The following STIM1 variants were observed in gnomAD, a reference collection of about 807,000 sequenced individuals.
The protein encoded by STIM1 is stromal interaction molecule 1.
Under a neutral mutation model 74.7 loss-of-function variants are expected in STIM1, and 25 were observed. The ratio of observed to expected loss-of-function variants is 0.33; its 90% CI spans 0.24 to 0.47. The LOEUF is 0.47. STIM1 is among the 20% of genes least tolerant of loss of function. STIM1 has a pLI of 1.00. For synonymous variants in STIM1, 328 were observed against 348.8 expected (o/e 0.94, Z 0.66); for missense variants, 728 against 920.8 (o/e 0.79, Z 2.71).
chr11:3,927,555 G>T (rs1442794307), intron 1 of STIM1, among the ~76,000 whole-genome samples: 1 of 152,094 alleles, frequency 6.6e-6, no homozygotes, highest in Non-Finnish European at 1.5e-5. Flanking sequence ...GGCTCTTTTG[G>T]TCTTAGCCAC....
intron 2 of STIM1, chr11:3,989,174 C>T (rs2093584998): frequency 1.9e-6 from 2 of 1,074,426 alleles, no homozygotes; most frequent in African/African-American, 1.6e-5. Context: ...GACTTGGCTT[C>T]CTTCTCTCCT....
At chr11:3,960,679 G>A (rs749616116) in intron 1 of STIM1, among the ~76,000 whole-genome samples, 5 of 152,144 alleles carry the variant, frequency 3.3e-5, no homozygotes, top group African/African-American at 1.2e-4. Flanking sequence ...GTATAGTCTC[G>A]TATAAGGTAT....
At chr11:3,899,729 G>A (rs907497113) in intron 1 of STIM1, among the ~76,000 whole-genome samples, 38 of 86,402 alleles carry the variant, frequency 4.4e-4, no homozygotes, top group Non-Finnish European at 7.0e-4. Flanking sequence ...AGCATGAAGC[G>A]TTGTTGAATT....
intron 12 of STIM1, among the ~76,000 whole-genome samples, chr11:4,087,876 C>T (rs1565172783): frequency 6.7e-6 from 1 of 150,274 alleles, no homozygotes; most frequent in African/African-American, 2.5e-5. Context: ...ATTCGGGAAC[C>T]AAGATAGCGG....
At chr11:3,870,869 CTT>C (rs1178631644) in intron 1 of STIM1, among the ~76,000 whole-genome samples, 255 of 98,136 alleles carry the variant, frequency 2.6e-3, no homozygotes, top group Non-Finnish European at 3.9e-3. Flanking sequence ...ATCAGCTACT[CTT>C]TTTTTTTTTT....
chr11:4,057,515 CACTT>C (rs931467590), intron 4 of STIM1, among the ~76,000 whole-genome samples: 2 of 152,120 alleles, frequency 1.3e-5, no homozygotes, highest in African/African-American at 4.8e-5. Flanking sequence ...CTGGCTTTGC[CACTT>C]ACTTGTGTGT....
intron 1 of STIM1, among the ~76,000 whole-genome samples, chr11:3,878,130 C>G (rs2091367262): frequency 6.6e-6 from 1 of 152,108 alleles, no homozygotes; most frequent in Non-Finnish European, 1.5e-5. Context: ...TGGCTGTGTC[C>G]TCATTGCCCT....
At chr11:3,996,531 G>A (rs1400013197) in intron 2 of STIM1, among the ~76,000 whole-genome samples, 1 of 152,208 alleles carries the variant, frequency 6.6e-6, no homozygotes, top group Non-Finnish European at 1.5e-5. Flanking sequence ...GACATTCCAG[G>A]CAGCTAACCC....
At chr11:3,996,897 A>G (rs1224706202) in intron 2 of STIM1, among the ~76,000 whole-genome samples, 1 of 152,210 alleles carries the variant, frequency 6.6e-6, no homozygotes, top group Non-Finnish European at 1.5e-5. Context: ...CATTCAGCCT[A>G]TATAAATGTG....
chr11:3,978,020 CAGAGGT>C (rs1360194757), intron 2 of STIM1, among the ~76,000 whole-genome samples: 2 of 152,190 alleles, frequency 1.3e-5, no homozygotes, highest in East Asian at 3.9e-4. Flanking sequence ...CTGTAGGAGG[CAGAGGT>C]AGTTCTGTTT....
At chr11:4,039,317 G>T (rs1383114747) in intron 3 of STIM1, among the ~76,000 whole-genome samples, 1 of 151,936 alleles carries the variant, frequency 6.6e-6, no homozygotes, top group Non-Finnish European at 1.5e-5. Context: ...AGCTGGGCGT[G>T]GTGGCTCATG....
rs1296353022 is a variant in STIM1 at position 3,855,951 on chromosome 11, C to T, written c.-320C>T. Reference sequence around the variant, plus strand: ...CGGAGACTCCGGCCGCCCCCTTCCGCAGGGGTGTAGTAATCTGCGGAGCTG... The same window carrying T: ...CGGAGACTCCGGCCGCCCCCTTCCGTAGGGGTGTAGTAATCTGCGGAGCTG... On this transcript the variant is annotated 5_prime_UTR_variant, in exon 1 of 13. Coordinates refer to ENST00000526596, the MANE Select transcript of STIM1 (RefSeq NM_001382567.1). The T allele has an allele frequency of 8.0e-6, 3 of 376,430 alleles. No homozygotes were observed. The highest frequency in any genetic ancestry group is 1.0e-5 in the Non-Finnish European group (2 of 198,302). 23.3% of individuals were successfully genotyped at this position (376,430 alleles called of 1,614,324 possible). A position where few individuals can be genotyped will look rare whatever the true frequency, so the allele number is the denominator to read the frequency against.
intron 1 of STIM1, among the ~76,000 whole-genome samples, chr11:3,943,599 A>T (rs775517982): frequency 2.0e-5 from 3 of 152,186 alleles, no homozygotes; most frequent in African/African-American, 4.8e-5. Flanking sequence ...TCCAGTTCAC[A>T]GTTAAAAAAA....
intron 2 of STIM1, among the ~76,000 whole-genome samples, chr11:3,997,231 G>A (rs895762334): frequency 6.6e-6 from 1 of 152,222 alleles, no homozygotes; most frequent in African/African-American, 2.4e-5. Flanking sequence ...ACCTCAGAGG[G>A]ATTCTCTGTA....
At chr11:4,003,310 C>T (rs1337056608) in intron 2 of STIM1, among the ~76,000 whole-genome samples, 1 of 151,204 alleles carries the variant, frequency 6.6e-6, no homozygotes, top group Non-Finnish European at 1.5e-5. Flanking sequence ...GACCAATATC[C>T]TTGATGAACA....
chr11:4,008,591 G>A (rs1422970195), intron 2 of STIM1, among the ~76,000 whole-genome samples: 1 of 152,180 alleles, frequency 6.6e-6, no homozygotes, highest in Non-Finnish European at 1.5e-5. Flanking sequence ...ACTTATTTCA[G>A]TTTAGGGTTG....
intron 4 of STIM1, among the ~76,000 whole-genome samples, chr11:4,056,262 T>G (rs1372803): frequency 0.038 from 5,745 of 152,270 alleles, 262 homozygotes; most frequent in East Asian, 0.19. Flanking sequence ...ACAGCTGTTG[T>G]TTCATAACTC....
At chr11:4,026,338 AAAC>A (rs2093997468) in intron 3 of STIM1, among the ~76,000 whole-genome samples, 1 of 152,268 alleles carries the variant, frequency 6.6e-6, no homozygotes, top group Admixed American at 6.5e-5. Context: ...TTAGGAATAA[AAAC>A]AGCAGCAGCA....
At chr11:3,909,606 C>T (rs1038839118) in intron 1 of STIM1, among the ~76,000 whole-genome samples, 8 of 151,908 alleles carry the variant, frequency 5.3e-5, no homozygotes, top group South Asian at 2.1e-4. Context: ...GGGCGGATCA[C>T]GAGGTCAGGA....
Sources: allele counts gnomAD v4.1 joint callset (sites outside exome capture counted in the v4.1 genomes callset), GRCh38; gene constraint gnomAD v4.1.1; transcripts MANE v1.5; gene names NCBI Gene and HGNC (gene_info 2026-07-23, HGNC 2026-07-21).